The following GUCY1A2 variants were observed in gnomAD, a reference collection of about 807,000 sequenced individuals.
The protein encoded by GUCY1A2 is guanylate cyclase soluble subunit alpha-2.
In GUCY1A2, 27 loss-of-function variants were observed where a neutral mutation model predicts 63.5. That is an observed-to-expected ratio of 0.43 (90% CI 0.31 to 0.59). The LOEUF is 0.59. Ranked by LOEUF, GUCY1A2 falls within the 20% of genes least tolerant of loss-of-function variation. The pLI, the probability that GUCY1A2 is intolerant of heterozygous loss-of-function variation, is 0.11. For synonymous variants in GUCY1A2, 364 were observed against 343.5 expected (o/e 1.06, Z -0.66); for missense variants, 768 against 913.3 (o/e 0.84, Z 2.05).
At chr11:106,727,386 C>T (rs1863425635) in intron 6 of GUCY1A2, among the ~76,000 whole-genome samples, 1 of 152,180 alleles carries the variant, frequency 6.6e-6, no homozygotes, top group African/African-American at 2.4e-5. Flanking sequence ...GAAGCAGGCT[C>T]ACTGAATCTG....
chr11:106,796,724 A>T (rs1249124031), intron 5 of GUCY1A2, among the ~76,000 whole-genome samples: 1 of 152,056 alleles, frequency 6.6e-6, no homozygotes, highest in Non-Finnish European at 1.5e-5. Flanking sequence ...CCTTCATTTC[A>T]ACTTTGGTGA....
intron 5 of GUCY1A2, among the ~76,000 whole-genome samples, chr11:106,796,102 T>C (rs1358515426): frequency 6.6e-6 from 1 of 152,164 alleles, no homozygotes; most frequent in Admixed American, 6.5e-5. Context: ...TGGTTTAAAG[T>C]CTGTTTTATC....
chr11:106,925,519 A>G (rs1486678593), intron 4 of GUCY1A2, among the ~76,000 whole-genome samples: 1 of 152,240 alleles, frequency 6.6e-6, no homozygotes, highest in Non-Finnish European at 1.5e-5. Flanking sequence ...ATTCTAGTAG[A>G]AACATAAGTG....
intron 4 of GUCY1A2, among the ~76,000 whole-genome samples, chr11:106,925,555 T>C (rs560436058): frequency 6.6e-6 from 1 of 152,342 alleles, no homozygotes; most frequent in South Asian, 2.1e-4. Flanking sequence ...TGATCATTTT[T>C]ACCCTAATTT....
At chr11:106,778,823 T>A (rs1193815869) in intron 5 of GUCY1A2, among the ~76,000 whole-genome samples, 3 of 152,114 alleles carry the variant, frequency 2.0e-5, no homozygotes, top group Non-Finnish European at 2.9e-5. Flanking sequence ...CAATAAGTAA[T>A]TTTCACTGTT....
chr11:106,681,079 TA>T lies in GUCY1A2; in HGVS notation c.*6469del. The T allele has an allele frequency of 4.8e-6, 1 of 209,050 alleles. No individual in the cohort carries two copies. The highest frequency in any genetic ancestry group is 9.7e-6 in the Non-Finnish European group (1 of 102,598). 12.9% of individuals were successfully genotyped at this position (209,050 alleles called of 1,614,324 possible). A position where few individuals can be genotyped will look rare whatever the true frequency, so the allele number is the denominator to read the frequency against. ...TATTAAAATTGTATTTTAAGTAGAC[TA>T]AAAACATGATTTTTTCATTTCGAAA... On this transcript the variant is annotated 3_prime_UTR_variant, in exon 8 of 8. Coordinates refer to ENST00000526355, the MANE Select transcript of GUCY1A2 (RefSeq NM_000855.3).
At chr11:106,964,751 G>A (rs188875612) in intron 3 of GUCY1A2, among the ~76,000 whole-genome samples, 6 of 152,232 alleles carry the variant, frequency 3.9e-5, no homozygotes, top group East Asian at 3.9e-4. Flanking sequence ...AGGCCAAGGC[G>A]GGCGGATCAT....
chr11:106,857,215 C>G (rs938989604), intron 4 of GUCY1A2, among the ~76,000 whole-genome samples: 15 of 152,120 alleles, frequency 9.9e-5, no homozygotes, highest in African/African-American at 3.4e-4. Flanking sequence ...AATCAGGGTG[C>G]CAGAAGGGTC....
At chr11:106,964,167 T>C (rs1861097125) in intron 3 of GUCY1A2, among the ~76,000 whole-genome samples, 1 of 152,186 alleles carries the variant, frequency 6.6e-6, no homozygotes, top group South Asian at 2.1e-4. Flanking sequence ...TACTATCTTC[T>C]AACCCACAAT....
intron 3 of GUCY1A2, among the ~76,000 whole-genome samples, chr11:106,948,436 GATC>G (rs1248873154): frequency 2.0e-5 from 3 of 152,036 alleles, no homozygotes; most frequent in African/African-American, 7.2e-5. Context: ...AACAAAATAT[GATC>G]ATATCAGTAG....
At chr11:106,864,811 G>A (rs537985663) in intron 4 of GUCY1A2, among the ~76,000 whole-genome samples, 5 of 152,084 alleles carry the variant, frequency 3.3e-5, no homozygotes, top group South Asian at 2.1e-4. Flanking sequence ...TGCTGGATTC[G>A]GTTTGCCAGT....
At chr11:106,707,871 A>T (rs1243781632) in intron 7 of GUCY1A2, among the ~76,000 whole-genome samples, 1 of 152,164 alleles carries the variant, frequency 6.6e-6, no homozygotes, top group Non-Finnish European at 1.5e-5. Context: ...ATAGCAGAGC[A>T]TTCAAAATCC....
chr11:106,986,441 T>TG (rs1861402350), intron 1 of GUCY1A2, among the ~76,000 whole-genome samples: 1 of 152,152 alleles, frequency 6.6e-6, no homozygotes, highest in Admixed American at 6.5e-5. Flanking sequence ...ACCCAGGCCC[T>TG]GGGGATAGCA....
At chr11:106,705,444 T>G (rs1326679195) in intron 7 of GUCY1A2, among the ~76,000 whole-genome samples, 2 of 152,180 alleles carry the variant, frequency 1.3e-5, no homozygotes, top group Non-Finnish European at 2.9e-5. Flanking sequence ...TATTAAATTG[T>G]GTTTAAAAGA....
intron 5 of GUCY1A2, 57 bp downstream of exon 5, chr11:106,809,936 T>G: frequency 1.8e-6 from 2 of 1,135,352 alleles, no homozygotes; most frequent in Non-Finnish European, 2.5e-6. Flanking sequence ...TCAATTTAAT[T>G]CACATGACAA....
chr11:106,991,101 T>C (rs558954738), intron 1 of GUCY1A2, among the ~76,000 whole-genome samples: 1 of 152,038 alleles, frequency 6.6e-6, no homozygotes, highest in Non-Finnish European at 1.5e-5. Context: ...GCAGTTCTAA[T>C]ACCTCAGCCT....
At chr11:106,864,209 TATA>T (rs201872091) in intron 4 of GUCY1A2, among the ~76,000 whole-genome samples, 3 of 126,010 alleles carry the variant, frequency 2.4e-5, no homozygotes, top group Non-Finnish European at 3.7e-5. Flanking sequence ...GAACTTAAAG[TATA>T]ATAATAATAA....
At chr11:106,995,426 C>T (rs1156593874) in intron 1 of GUCY1A2, among the ~76,000 whole-genome samples, 1 of 152,144 alleles carries the variant, frequency 6.6e-6, no homozygotes, top group Non-Finnish European at 1.5e-5. Flanking sequence ...AATCTCCAAC[C>T]CCTTAACCTG....
At chr11:106,889,749 T>C (rs980920906) in intron 4 of GUCY1A2, among the ~76,000 whole-genome samples, 1 of 152,214 alleles carries the variant, frequency 6.6e-6, no homozygotes, top group Non-Finnish European at 1.5e-5. Context: ...ATATTGTGCA[T>C]ATGGCTTTAC....
Sources: gnomAD v4.1 joint callset for allele counts (sites outside exome capture counted in the v4.1 genomes callset) on GRCh38, gnomAD v4.1.1 for gene constraint, MANE v1.5 for transcripts, NCBI Gene and HGNC (gene_info 2026-07-23, HGNC 2026-07-21) for gene names.